Variants in ARNT2 observed in about 807,000 individuals in gnomAD.
The protein encoded by ARNT2 is aryl hydrocarbon receptor nuclear translocator 2, also known as ARNT protein 2.
Under a neutral mutation model 91.7 loss-of-function variants are expected in ARNT2, and 36 were observed. The ratio of observed to expected loss-of-function variants is 0.39; its 90% CI spans 0.30 to 0.52. The LOEUF (loss-of-function observed/expected upper bound fraction) is 0.52. ARNT2 is among the 20% of genes least tolerant of loss of function. The pLI is 0.72. For missense variants in ARNT2, 775 were observed against 939.3 expected (o/e 0.83, Z 2.29); for synonymous variants, 365 against 347.1 (o/e 1.05, Z -0.57).
chr15:80,500,225 C>A (rs944642221), intron 5 of ARNT2, among the ~76,000 whole-genome samples: 1 of 152,176 alleles, frequency 6.6e-6, no homozygotes, highest in African/African-American at 2.4e-5. Flanking sequence ...TGGGGTCAAC[C>A]TTTTGAGAAT....
intron 8 of ARNT2, among the ~76,000 whole-genome samples, chr15:80,537,354 T>C (rs1209548149): frequency 3.9e-5 from 6 of 152,180 alleles, no homozygotes; most frequent in Non-Finnish European, 7.3e-5. Flanking sequence ...TAAATTCCTC[T>C]TGGCATCTCC....
chr15:80,462,111 C>T (rs1057428522), intron 3 of ARNT2, among the ~76,000 whole-genome samples: 13 of 152,124 alleles, frequency 8.5e-5, no homozygotes, highest in African/African-American at 7.2e-5. Context: ...CTGCCCAGCA[C>T]GTCCTGCAAC....
In ARNT2 at chr15:80,559,420, G is replaced by A. The variant is rs113995501; in HGVS notation, c.1165-3668G>A. 9.1e-3 allele frequency among the ~76,000 whole-genome samples: 1,388 copies of A among 152,296 alleles called. 32 individuals are homozygous for A. The highest frequency in any genetic ancestry group is 0.032 in the African/African-American group (1,313 of 41,564). ...CTGGAGCACACCGCACCTCGGCCCC[G>A]TGCTTGTGTTCTTTGGTCTCCGGCC... On this transcript the variant is annotated intron_variant, in intron 11 of 18. Transcript: ENST00000303329.
rs920430629 is a variant in ARNT2, at chr15:80,404,686, G to A, written c.31+140G>A. ...TGGGTGGTGGAGCGGCTGTCACTAC[G>A]CGGCAGCCGCAGCATCAGCACCAGA... On this transcript the variant is annotated intron_variant, in intron 1 of 18. Transcript: ENST00000303329. This position sits in a 1 kb window ranked among gnomAD's most constrained non-coding sequence, Gnocchi z 5.5. 2.3e-6 allele frequency: 1 copy of A among 435,046 alleles called. No individual in the cohort carries two copies. The highest frequency in any genetic ancestry group is 3.1e-6 in the Non-Finnish European group (1 of 324,170). 26.9% of individuals were successfully genotyped at this position (435,046 alleles called of 1,614,324 possible). A position where few individuals can be genotyped will look rare whatever the true frequency, so the allele number is the denominator to read the frequency against.
chr15:80,423,929 A>G (rs1259027222), intron 1 of ARNT2, among the ~76,000 whole-genome samples: 1 of 152,252 alleles, frequency 6.6e-6, no homozygotes, highest in Non-Finnish European at 1.5e-5. Context: ...GGCTTCAAGT[A>G]AAGATCCAAG....
At chr15:80,429,827 G>A (rs573468010) in intron 1 of ARNT2, among the ~76,000 whole-genome samples, 5 of 152,160 alleles carry the variant, frequency 3.3e-5, no homozygotes, top group African/African-American at 1.2e-4. Context: ...AAAAAAGCCC[G>A]CCCACTGACA....
chr15:80,554,283 C>T (rs960013108), intron 10 of ARNT2, among the ~76,000 whole-genome samples: 3 of 152,100 alleles, frequency 2.0e-5, no homozygotes, highest in African/African-American at 7.2e-5. Flanking sequence ...GTGGCGGGTG[C>T]TTGTAATCCC....
At chr15:80,462,399 G>T (rs12591546) in intron 3 of ARNT2, among the ~76,000 whole-genome samples, 37,173 of 152,112 alleles carry the variant, frequency 0.24, 4,672 homozygotes, top group Non-Finnish European at 0.28. Context: ...TGCGTAATGT[G>T]TCATTAAAAC....
intron 17 of ARNT2, among the ~76,000 whole-genome samples, chr15:80,586,909 A>T (rs889976078): frequency 3.9e-5 from 6 of 152,196 alleles, no homozygotes; most frequent in African/African-American, 1.2e-4. Context: ...CATAATTCAA[A>T]ATAGGGGAAC....
intron 3 of ARNT2, among the ~76,000 whole-genome samples, chr15:80,467,604 C>T (rs112513640): frequency 1.1e-3 from 166 of 152,308 alleles, no homozygotes; most frequent in Non-Finnish European, 1.8e-3. Flanking sequence ...CTAACTCATG[C>T]GTGTACTGCC....
chr15:80,456,715 C>T lies in ARNT2; in HGVS notation c.147-1214C>T, dbSNP rs73489347. ...TAACCTGGGTGTCCTGTGCCTTCTC[C>T]AAGTCACTCATTAGCCACTGAAGCC... On this transcript the variant is annotated intron_variant, in intron 2 of 18. Transcript: ENST00000303329. Among the ~76,000 whole-genome samples, 486 of 152,218 alleles carry T rather than the reference C, an allele frequency of 3.2e-3. 2 individuals carry two copies. Among genetic ancestry groups the T allele is most frequent in the African/African-American group, 0.011 (459 of 41,528 alleles).
chr15:80,466,036 A>G (rs184912860), intron 3 of ARNT2, among the ~76,000 whole-genome samples: 1 of 152,178 alleles, frequency 6.6e-6, no homozygotes, highest in Admixed American at 6.5e-5. Flanking sequence ...CAGGTATACC[A>G]TGTCTGCAGT....
At chr15:80,431,493 G>A (rs572237915) in intron 1 of ARNT2, among the ~76,000 whole-genome samples, 5 of 152,306 alleles carry the variant, frequency 3.3e-5, no homozygotes, top group African/African-American at 1.2e-4. Flanking sequence ...AGGGCACAGA[G>A]GGCTCCCTGG....
intron 1 of ARNT2, among the ~76,000 whole-genome samples, chr15:80,445,920 G>A (rs1227618323): frequency 6.6e-6 from 1 of 152,106 alleles, no homozygotes; most frequent in African/African-American, 2.4e-5. Flanking sequence ...TTGCACTCCT[G>A]TGAGTTAGAA....
intron 11 of ARNT2, among the ~76,000 whole-genome samples, chr15:80,560,911 A>T (rs112567583): frequency 0.016 from 2,430 of 152,236 alleles, 58 homozygotes; most frequent in African/African-American, 0.056. Flanking sequence ...TCACTCAGGG[A>T]TTTCCCACCA....
chr15:80,565,368 T>C lies in ARNT2; in HGVS notation c.1316+2129T>C, dbSNP rs185333594. 3.8e-4 allele frequency among the ~76,000 whole-genome samples: 58 copies of C among 152,318 alleles called. 1 individual carries two copies. Among genetic ancestry groups the C allele is most frequent in the African/African-American group, 1.1e-3 (45 of 41,582 alleles). On this transcript the variant is annotated intron_variant, in intron 12 of 18. Transcript: ENST00000303329. The stretch of plus-strand genomic sequence containing the variant: ...TATTTTCCTTTGAGTATATACCCAG[T>C]AATGCAGTAATGGGATTGCTGGGTT...
At chr15:80,567,461 A>C (rs974615858) in intron 12 of ARNT2, among the ~76,000 whole-genome samples, 1 of 152,182 alleles carries the variant, frequency 6.6e-6, no homozygotes, top group South Asian at 2.1e-4. Flanking sequence ...CAAGAACGTA[A>C]GAAGGGGCAG....
Position 80,576,934 on chromosome 15 carries a change from T to A in ARNT2, c.1582T>A (p.Phe528Ile). 1 of 1,614,094 alleles carries A rather than the reference T, an allele frequency of 6.2e-7. No homozygotes were observed. The highest frequency in any genetic ancestry group is 8.5e-7 in the Non-Finnish European group (1 of 1,180,032). The change falls in exon 15 of 19, where the codon TTT (phenylalanine) becomes ATT (isoleucine). Residue 528 changes from phenylalanine (F) to isoleucine (I), a missense_variant. Coordinates refer to ENST00000303329, the MANE Select transcript of ARNT2 (RefSeq NM_014862.4). ...GCAGATCTACTCCCAAGGAAGCCCATTTCCCTCTGGACACTCCGGGAAGGC... is the reference window on the plus strand; with the variant it reads ...GCAGATCTACTCCCAAGGAAGCCCAATTCCCTCTGGACACTCCGGGAAGGC... Reference protein sequence around the residue: ...TQQIYSQGSPFPSGHSGKAFS... With the variant: ...TQQIYSQGSPIPSGHSGKAFS...
chr15:80,438,705 G>T (rs1051238305), intron 1 of ARNT2, among the ~76,000 whole-genome samples: 1 of 152,040 alleles, frequency 6.6e-6, no homozygotes. Context: ...TTTTTGGGGT[G>T]GGGGGATGGA....
Sources: allele counts gnomAD v4.1 joint callset (sites outside exome capture counted in the v4.1 genomes callset), GRCh38; gene constraint gnomAD v4.1.1; non-coding constraint Gnocchi (gnomAD v3.1); transcripts MANE v1.5; gene names NCBI Gene and HGNC (gene_info 2026-07-23, HGNC 2026-07-21).